Variants in SPATA17 observed in about 807,000 individuals in gnomAD.
The protein encoded by SPATA17 is spermatogenesis associated 17, also known as spermatogenesis-associated protein 17.
A neutral mutation model predicts 62.2 loss-of-function variants in SPATA17; 53 were observed. That is an observed-to-expected ratio of 0.85 (90% CI 0.68 to 1.07). SPATA17 has a LOEUF of 1.07. SPATA17 is among the 50% of genes least tolerant of loss of function. The probability of loss-of-function intolerance (pLI) is 0.00; values close to 1 mark genes in which losing one functional copy is unlikely to be tolerated. For synonymous variants in SPATA17, 146 were observed against 146.8 expected (o/e 0.99, Z 0.04); for missense variants, 466 against 425.5 (o/e 1.10, Z -0.84).
intron 6 of SPATA17, among the ~76,000 whole-genome samples, chr1:217,755,606 T>G (rs1411195660): frequency 6.6e-6 from 1 of 152,014 alleles, no homozygotes; most frequent in Non-Finnish European, 1.5e-5. Flanking sequence ...TTTTCTCAAG[T>G]TTATTCAGCA....
chr1:217,757,146 T>C (rs1394316574), intron 6 of SPATA17, among the ~76,000 whole-genome samples: 1 of 152,144 alleles, frequency 6.6e-6, no homozygotes, highest in African/African-American at 2.4e-5. Context: ...TATGGAATAA[T>C]CAGGGTGGAA....
chr1:217,862,927 C>A, intron 10 of SPATA17, 71 bp downstream of exon 10: 2 of 938,218 alleles, frequency 2.1e-6, no homozygotes, highest in Non-Finnish European at 1.6e-6. Context: ...ATGGGGTTGA[C>A]TTAACTATCA....
chr1:217,772,561 A>G (rs190495971), intron 6 of SPATA17, among the ~76,000 whole-genome samples: 5 of 152,318 alleles, frequency 3.3e-5, no homozygotes, highest in African/African-American at 1.2e-4. Context: ...TATAATCTGT[A>G]TATTCTTTGA....
rs1670304309 is a variant in SPATA17 at position 217,651,138 on chromosome 1, G to A, written c.200G>A (p.Arg67Lys). 3 of 1,609,786 alleles carry A rather than the reference G, an allele frequency of 1.9e-6. No homozygotes were observed. Among genetic ancestry groups the A allele is most frequent in the Non-Finnish European group, 2.5e-6 (3 of 1,178,904 alleles). Reference sequence around the variant, plus strand: ...GTAACAATTATTCAAAAATGGTGGAGAAGTTTCTTAGGCAGAAAGCAATAT... The same window carrying A: ...GTAACAATTATTCAAAAATGGTGGAAAAGTTTCTTAGGCAGAAAGCAATAT... The part of the protein sequence containing the change: ...RIVTIIQKWW[R>K]SFLGRKQYQL... The change falls in exon 3 of 11, where the codon AGA becomes AAA. Residue 67 changes from arginine to lysine, a missense_variant. By Grantham distance (26) the Arg-to-Lys change is conservative. Coordinates refer to ENST00000366933, the MANE Select transcript of SPATA17 (RefSeq NM_138796.4).
At chr1:217,709,435 G>A (rs1205838131) in intron 5 of SPATA17, among the ~76,000 whole-genome samples, 1 of 151,874 alleles carries the variant, frequency 6.6e-6, no homozygotes, top group African/African-American at 2.4e-5. Flanking sequence ...CTGGCTGTTG[G>A]CTGATGGTGT....
intron 9 of SPATA17, among the ~76,000 whole-genome samples, chr1:217,805,493 A>G (rs375027182): frequency 6.6e-6 from 1 of 151,980 alleles, no homozygotes; most frequent in African/African-American, 2.4e-5. Flanking sequence ...TTAATAATGT[A>G]TTGTATACTT....
intron 7 of SPATA17, among the ~76,000 whole-genome samples, chr1:217,780,648 C>A (rs1673707936): frequency 6.6e-6 from 1 of 151,860 alleles, no homozygotes; most frequent in South Asian, 2.1e-4. Flanking sequence ...TAGCCTTGGG[C>A]CATTGTGTAT....
At chr1:217,678,207 T>G (rs1015703126) in intron 4 of SPATA17, among the ~76,000 whole-genome samples, 2 of 139,154 alleles carry the variant, frequency 1.4e-5, no homozygotes, top group African/African-American at 2.7e-5. Flanking sequence ...TTTCTTTTCT[T>G]TTTTTTTTTT....
rs185693512 is a variant in SPATA17 at position 217,670,488 on chromosome 1, C to T, written c.291+1405C>T. Among the ~76,000 whole-genome samples the T allele has an allele frequency of 3.3e-5, 5 of 152,294 alleles. No individual in the cohort carries two copies. In the East Asian group the frequency reaches 5.8e-4, roughly 18 times the overall value. On this transcript the variant is annotated intron_variant, in intron 4 of 10. Coordinates refer to ENST00000366933, the MANE Select transcript of SPATA17 (RefSeq NM_138796.4). The stretch of plus-strand genomic sequence containing the variant: ...AGACTAAACATATGTAAGAAATTCA[C>T]GTCAGTACAAGTCCCTTGGAAGGCA...
chr1:217,842,541 A>C (rs1288921712), intron 9 of SPATA17, among the ~76,000 whole-genome samples: 1 of 151,884 alleles, frequency 6.6e-6, no homozygotes, highest in Non-Finnish European at 1.5e-5. Flanking sequence ...GACCTATTCA[A>C]CTAAATTTTC....
chr1:217,795,358 G>T (rs913156720), intron 8 of SPATA17, among the ~76,000 whole-genome samples: 11 of 129,190 alleles, frequency 8.5e-5, no homozygotes, highest in African/African-American at 1.7e-4. Context: ...ACAGACAAAA[G>T]TCTCTTTTTT....
chr1:217,743,463 T>G (rs1252478161), intron 6 of SPATA17, among the ~76,000 whole-genome samples: 1 of 152,166 alleles, frequency 6.6e-6, no homozygotes, highest in Non-Finnish European at 1.5e-5. Flanking sequence ...ATATTTTATT[T>G]TTTACAATAC....
chr1:217,788,505 A>G (rs1346068091), intron 8 of SPATA17, among the ~76,000 whole-genome samples: 25 of 152,158 alleles, frequency 1.6e-4, no homozygotes, highest in Admixed American at 1.0e-3. Context: ...ATCCTAGATT[A>G]TCAGAGTGCG....
intron 3 of SPATA17, among the ~76,000 whole-genome samples, chr1:217,656,570 G>A (rs999118886): frequency 1.3e-4 from 20 of 152,002 alleles, no homozygotes; most frequent in African/African-American, 4.6e-4. Context: ...ATGTATGTAT[G>A]TATGTATGTA....
chr1:217,850,577 G>C, intron 9 of SPATA17: 1 of 1,596,256 alleles, frequency 6.3e-7, no homozygotes, highest in Non-Finnish European at 8.6e-7. Context: ...TGGTGTCACT[G>C]GGCTCCACTT....
At chr1:217,837,220 A>G (rs1383449729) in intron 9 of SPATA17, among the ~76,000 whole-genome samples, 2 of 152,158 alleles carry the variant, frequency 1.3e-5, no homozygotes, top group Non-Finnish European at 2.9e-5. Context: ...TGATGAGATT[A>G]AAAACAGTAA....
At chr1:217,763,744 A>G (rs1673229460) in intron 6 of SPATA17, among the ~76,000 whole-genome samples, 1 of 152,210 alleles carries the variant, frequency 6.6e-6, no homozygotes, top group Admixed American at 6.5e-5. Context: ...GGATATGAAT[A>G]GAAGCCTATG....
intron 2 of SPATA17, 89 bp downstream of exon 2, chr1:217,649,060 A>G: frequency 2.3e-6 from 2 of 870,522 alleles, no homozygotes; most frequent in Admixed American, 5.5e-5. Context: ...ACTCATTTCA[A>G]ATAATTTTTT....
At chr1:217,738,781 A>G (rs1034112123) in intron 5 of SPATA17, among the ~76,000 whole-genome samples, 1 of 152,134 alleles carries the variant, frequency 6.6e-6, no homozygotes, top group African/African-American at 2.4e-5. Flanking sequence ...GCGAAACACT[A>G]TCTCTACTAA....
Sources: gnomAD v4.1 joint callset for allele counts (sites outside exome capture counted in the v4.1 genomes callset) on GRCh38, gnomAD v4.1.1 for gene constraint, MANE v1.5 for transcripts, NCBI Gene and HGNC (gene_info 2026-07-23, HGNC 2026-07-21) for gene names.